Variants in PPFIA1 observed in about 807,000 individuals in gnomAD.
The protein encoded by PPFIA1 is liprin-alpha-1.
A neutral mutation model predicts 149.9 loss-of-function variants in PPFIA1; 25 were observed. The ratio of observed to expected loss-of-function variants is 0.17; its 90% CI spans 0.12 to 0.23. The LOEUF (loss-of-function observed/expected upper bound fraction) is 0.23, where lower values mean the gene tolerates loss of function less well. Ranked by LOEUF, PPFIA1 falls within the 10% of genes least tolerant of loss-of-function variation. The pLI, the probability that PPFIA1 is intolerant of heterozygous loss-of-function variation, is 1.00. For missense variants in PPFIA1, 1,362 were observed against 1,506.5 expected (o/e 0.90, Z 1.59); for synonymous variants, 549 against 552.8 (o/e 0.99, Z 0.10).
chr11:70,280,197 C>T (rs978212115), intron 2 of PPFIA1, among the ~76,000 whole-genome samples: 1 of 145,026 alleles, frequency 6.9e-6, no homozygotes, highest in African/African-American at 2.8e-5. Flanking sequence ...CATGAGCTAG[C>T]ATGTGTGTAT....
chr11:70,360,777 A>T (rs1438074497), intron 19 of PPFIA1, among the ~76,000 whole-genome samples: 1 of 152,272 alleles, frequency 6.6e-6, no homozygotes, highest in Non-Finnish European at 1.5e-5. Context: ...TCAAATTTTT[A>T]AAAATAAGAG....
intron 2 of PPFIA1, among the ~76,000 whole-genome samples, chr11:70,286,740 ATCTT>A (rs1180401841): frequency 6.3e-5 from 9 of 143,620 alleles, no homozygotes; most frequent in Non-Finnish European, 9.1e-5. Context: ...TTGCAGCAAG[ATCTT>A]TCTTTCTTTC....
chr11:70,324,224 T>TGACA (rs1364508715), intron 2 of PPFIA1, among the ~76,000 whole-genome samples, 178 bp from the exon 3 acceptor site: 1 of 152,198 alleles, frequency 6.6e-6, no homozygotes, highest in East Asian at 1.9e-4. Flanking sequence ...GTCAGTGTTG[T>TGACA]GATTTGTTAG....
intron 21 of PPFIA1, among the ~76,000 whole-genome samples, chr11:70,371,018 A>G (rs1177859463): frequency 1.3e-5 from 2 of 152,002 alleles, no homozygotes. Context: ...TTGTAATCCC[A>G]GATACTCGGG....
chr11:70,346,129 A>G (rs937718144), intron 15 of PPFIA1: 3 of 332,774 alleles, frequency 9.0e-6, no homozygotes, highest in Non-Finnish European at 1.9e-5. Context: ...AATTGCTTTT[A>G]TATTTATGAA....
rs1329505991 is a variant in PPFIA1 at position 70,274,376 on chromosome 11, A to G, written c.264+1940A>G. On this transcript the variant is annotated intron_variant, in intron 2 of 27. Transcript: ENST00000253925. ...AACACACTTGCATACCACCACCCAGATCAAGAAATGGAACATTATCAGGCT... is the reference window on the plus strand; with the variant it reads ...AACACACTTGCATACCACCACCCAGGTCAAGAAATGGAACATTATCAGGCT... Among the ~76,000 whole-genome samples, 4 of 152,192 alleles carry G rather than the reference A, an allele frequency of 2.6e-5. No homozygotes were observed. In the East Asian group the frequency reaches 5.8e-4, roughly 22 times the overall value.
chr11:70,292,983 C>T lies in PPFIA1; in HGVS notation c.264+20547C>T, dbSNP rs549067014. On this transcript the variant is annotated intron_variant, in intron 2 of 27. Coordinates refer to ENST00000253925, the MANE Select transcript of PPFIA1 (RefSeq NM_003626.5). ...TGCACCTACTCCACCTTTGAGCATC[C>T]GGGGCAGCTGCTTGGGCTTCCCCTG... is the stretch of plus-strand genomic sequence containing the variant. Among the ~76,000 whole-genome samples, 4 of 152,306 alleles carry T rather than the reference C, an allele frequency of 2.6e-5. No homozygotes were observed. In the East Asian group the frequency reaches 5.8e-4, roughly 22 times the overall value.
At chr11:70,285,307 G>A (rs926111214) in intron 2 of PPFIA1, among the ~76,000 whole-genome samples, 1 of 152,102 alleles carries the variant, frequency 6.6e-6, no homozygotes, top group African/African-American at 2.4e-5. Flanking sequence ...GGGGATGGAG[G>A]GAAGAATGGA....
chr11:70,286,024 G>T (rs1024920954), intron 2 of PPFIA1, among the ~76,000 whole-genome samples: 1 of 152,194 alleles, frequency 6.6e-6, no homozygotes, highest in Non-Finnish European at 1.5e-5. Context: ...GTTGATGTTT[G>T]TGTAGGCAGA....
chr11:70,375,103 A>G lies in PPFIA1; in HGVS notation c.3315+10A>G. The G allele has an allele frequency of 1.3e-6, 2 of 1,593,528 alleles. No homozygotes were observed. The highest frequency in any genetic ancestry group is 1.7e-6 in the Non-Finnish European group (2 of 1,170,962). On this transcript the variant is annotated intron_variant, in intron 24 of 27. Coordinates refer to ENST00000253925, the MANE Select transcript of PPFIA1 (RefSeq NM_003626.5). Reference sequence around the variant, plus strand: ...GACGCAGAACACACAGGTGACGCCAAACCTGTCTGTGTCTGCACTCATTGT... The same window carrying G: ...GACGCAGAACACACAGGTGACGCCAGACCTGTCTGTGTCTGCACTCATTGT...
rs1242061792 is a variant in PPFIA1 at position 70,374,898 on chromosome 11, TTG to T, written c.3140-18_3140-17del. The T allele has an allele frequency of 1.2e-6, 2 of 1,606,722 alleles. No homozygotes were observed. Among genetic ancestry groups the T allele is most frequent in the Non-Finnish European group, 1.7e-6 (2 of 1,177,262 alleles). ...TGGCTTTCTGAAGCCACTTTTATAA[TTG>T]TCTTTATTCTTTTGCAGACGTGCTT... is the stretch of plus-strand genomic sequence containing the variant. On this transcript the variant is annotated intron_variant, in intron 23 of 27. Coordinates refer to ENST00000253925, the MANE Select transcript of PPFIA1 (RefSeq NM_003626.5).
At position 70,335,546 on chromosome 11, in the gene PPFIA1, T is replaced by G. The variant is rs2054921216; in HGVS notation, c.1297-17T>G. The G allele has an allele frequency of 6.2e-7, 1 of 1,612,218 alleles. No individual in the cohort carries two copies. On this transcript the variant is annotated splice_polypyrimidine_tract_variant and intron_variant, in intron 10 of 27. Transcript: ENST00000253925. ...GATTTACGTGAGGTTTATAAGACTT[T>G]GTTTCTCCTGCTTTAGGCAAGGCAA...
Position 70,362,402 on chromosome 11 carries a change from A to C in PPFIA1, c.2779A>C (p.Asn927His). 1 of 1,614,200 alleles carries C rather than the reference A, an allele frequency of 6.2e-7. No homozygotes were observed. Among genetic ancestry groups the C allele is most frequent in the Non-Finnish European group, 8.5e-7 (1 of 1,180,036 alleles). ...GATCCAGCGTGAGATTGGCATCAGC[A>C]ACCCCCTGCACAGGCTGAAGCTGAG... is the stretch of plus-strand genomic sequence containing the variant. ...TEIQREIGISNPLHRLKLRLA... is the reference protein window; with the variant it reads ...TEIQREIGISHPLHRLKLRLA... The change falls in exon 21 of 28, where the codon AAC becomes CAC. Residue 927 changes from asparagine (N) to histidine (H), a missense_variant. Physicochemically the swap from Asn to His is moderately conservative, Grantham distance 68 (BLOSUM62 1). Coordinates refer to ENST00000253925, the MANE Select transcript of PPFIA1 (RefSeq NM_003626.5).
At chr11:70,311,526 C>A (rs1174556834) in intron 2 of PPFIA1, among the ~76,000 whole-genome samples, 4 of 152,158 alleles carry the variant, frequency 2.6e-5, no homozygotes, top group Non-Finnish European at 4.4e-5. Context: ...AAAAATCAAC[C>A]AGTCCATCAC....
chr11:70,334,481 A>G (rs982891011), intron 10 of PPFIA1: 2 of 152,230 alleles, frequency 1.3e-5, no homozygotes, highest in African/African-American at 4.8e-5. Context: ...ATGCACACTC[A>G]TGCTCACAGA....
In PPFIA1 at chr11:70,384,344, G is replaced by GT. The variant is rs1289856428; in HGVS notation, c.*1355dup. The GT allele has an allele frequency of 6.6e-6, 1 of 152,606 alleles. No homozygotes were observed. Among genetic ancestry groups the GT allele is most frequent in the Non-Finnish European group, 1.5e-5 (1 of 68,026 alleles). 9.5% of individuals were successfully genotyped at this position (152,606 alleles called of 1,614,324 possible). ...CTACTTTTGAACTATTTTTATCACAGTATTATTTATTGCTTTCTTTCAATA... is the reference window on the plus strand; with the variant it reads ...CTACTTTTGAACTATTTTTATCACAGTTATTATTTATTGCTTTCTTTCAATA... On this transcript the variant is annotated 3_prime_UTR_variant, in exon 28 of 28. Coordinates refer to ENST00000253925, the MANE Select transcript of PPFIA1 (RefSeq NM_003626.5).
chr11:70,343,277 C>A (rs2137122917), intron 14 of PPFIA1, among the ~76,000 whole-genome samples: 1 of 152,312 alleles, frequency 6.6e-6, no homozygotes, highest in Non-Finnish European at 1.5e-5. Flanking sequence ...ACTTTAGTCA[C>A]CCTGCTGATC....
chr11:70,282,751 C>T (rs756351627), intron 2 of PPFIA1, among the ~76,000 whole-genome samples: 6 of 150,688 alleles, frequency 4.0e-5, no homozygotes, highest in Non-Finnish European at 4.4e-5. Flanking sequence ...CCAGAATGGT[C>T]GCGATCTCCT....
intron 2 of PPFIA1, among the ~76,000 whole-genome samples, chr11:70,303,242 C>T (rs755218249): frequency 7.2e-5 from 11 of 152,124 alleles, no homozygotes; most frequent in Non-Finnish European, 1.5e-4. Context: ...TGCTGCTCTT[C>T]GGTAGCACTT....
Sources: gnomAD v4.1 joint callset for allele counts (sites outside exome capture counted in the v4.1 genomes callset) on GRCh38, gnomAD v4.1.1 for gene constraint, MANE v1.5 for transcripts, NCBI Gene and HGNC (gene_info 2026-07-23, HGNC 2026-07-21) for gene names.